GAS2: variants seen among roughly 807,000 people sequenced by gnomAD.
GAS2 encodes growth arrest specific 2.
Under a neutral mutation model 37.5 loss-of-function variants are expected in GAS2, and 20 were observed. The ratio of observed to expected loss-of-function variants is 0.53; its 90% CI spans 0.37 to 0.77. GAS2 has a LOEUF of 0.77. Among genes scored for constraint, GAS2 ranks in the 30% least tolerant of loss-of-function variants. GAS2 has a pLI of 0.00. For missense variants in GAS2, 336 were observed against 373.4 expected (o/e 0.90, Z 0.82); for synonymous variants, 144 against 132.2 (o/e 1.09, Z -0.61).
At chr11:22,771,643 GCTTA>G (rs1217545570) in intron 7 of GAS2, among the ~76,000 whole-genome samples, 2 of 152,248 alleles carry the variant, frequency 1.3e-5, no homozygotes, top group South Asian at 2.1e-4. Context: ...AGAAAGCACA[GCTTA>G]CTTAAGTCTT....
chr11:22,756,004 T>C (rs1276166636), intron 7 of GAS2, 51 bp downstream of exon 7: 1 of 1,279,816 alleles, frequency 7.8e-7, no homozygotes. Context: ...ATTCAGAATT[T>C]GAGTTAGGGG....
intron 7 of GAS2, among the ~76,000 whole-genome samples, chr11:22,764,397 A>G (rs1187670098): frequency 6.6e-6 from 1 of 151,966 alleles, no homozygotes; most frequent in East Asian, 1.9e-4. Context: ...CGTCTCTACT[A>G]AAAATACAAA....
intron 3 of GAS2, among the ~76,000 whole-genome samples, chr11:22,690,651 A>G (rs906364464): frequency 2.6e-5 from 4 of 152,226 alleles, no homozygotes; most frequent in African/African-American, 9.6e-5. Context: ...AGGCAAAAAT[A>G]TAAATGAAAT....
intron 7 of GAS2, among the ~76,000 whole-genome samples, chr11:22,786,835 G>GAA (rs1280457276): frequency 6.6e-6 from 1 of 152,112 alleles, no homozygotes; most frequent in Non-Finnish European, 1.5e-5. Flanking sequence ...GGACTTTTCA[G>GAA]AAAGAAGTGA....
intron 3 of GAS2, among the ~76,000 whole-genome samples, chr11:22,719,193 C>T (rs995206333): frequency 1.3e-5 from 2 of 152,042 alleles, no homozygotes; most frequent in African/African-American, 2.4e-5. Context: ...AAAATCTTCT[C>T]TCTTAGCAAT....
intron 7 of GAS2, among the ~76,000 whole-genome samples, chr11:22,767,359 T>C (rs1036650999): frequency 6.6e-6 from 1 of 152,088 alleles, no homozygotes. Context: ...AGTTTTTTTT[T>C]AAAAAACTTT....
chr11:22,789,425 GATATATATATATATATAT>G (rs35755438), intron 7 of GAS2, among the ~76,000 whole-genome samples: 2 of 30,662 alleles, frequency 6.5e-5, no homozygotes, highest in African/African-American at 1.8e-4. Flanking sequence ...TCTCATATGA[GATATATATATATATATAT>G]ATATATATAT....
At position 22,648,244 on chromosome 11, in the gene GAS2, C is replaced by G. The variant is rs1405856109; in HGVS notation, c.-21+22431C>G. ...AGATCAGATAGTTGTAGATATGCGG[C>G]GTTATTTCTGAGGGCTCTGTTCTGT... On this transcript the variant is annotated intron_variant, in intron 1 of 5. Coordinates refer to the GAS2 transcript ENST00000528582. Among the ~76,000 whole-genome samples, 4 of 151,828 alleles carry G rather than the reference C, an allele frequency of 2.6e-5. No homozygotes were observed. In the South Asian group the frequency reaches 8.3e-4, roughly 32 times the overall value.
chr11:22,784,633 A>G (rs1176084125), intron 7 of GAS2, among the ~76,000 whole-genome samples: 1 of 152,172 alleles, frequency 6.6e-6, no homozygotes, highest in Non-Finnish European at 1.5e-5. Context: ...GCAAGGTTTC[A>G]TAGGTTTTTT....
chr11:22,811,793 T>G lies in GAS2; in HGVS notation c.724-5T>G. 1 of 1,613,716 alleles carries G rather than the reference T, an allele frequency of 6.2e-7. No individual in the cohort carries two copies. On this transcript the variant is annotated splice_region_variant and splice_polypyrimidine_tract_variant and intron_variant, in intron 7 of 7. Transcript: ENST00000454584. The stretch of plus-strand genomic sequence containing the variant: ...TTTAACACTTTTGATATTTTTTCAT[T>G]TCAGATGCTGCACAACAAACATGTC...
At chr11:22,647,431 T>C (rs1848713040) in intron 1 of GAS2, among the ~76,000 whole-genome samples, 1 of 152,220 alleles carries the variant, frequency 6.6e-6, no homozygotes, top group Non-Finnish European at 1.5e-5. Context: ...CCTTTGGGTA[T>C]ATACCCAGTA....
intron 1 of GAS2, among the ~76,000 whole-genome samples, chr11:22,647,245 C>T (rs968814313): frequency 5.5e-4 from 84 of 151,768 alleles, no homozygotes; most frequent in Non-Finnish European, 1.0e-3. Context: ...CTACAAAGGA[C>T]ATGAACTCAT....
At chr11:22,773,036 T>A (rs1373955774) in intron 7 of GAS2, among the ~76,000 whole-genome samples, 1 of 152,114 alleles carries the variant, frequency 6.6e-6, no homozygotes, top group Non-Finnish European at 1.5e-5. Context: ...CTCAGGAAGT[T>A]CCAGTAGAGT....
At chr11:22,752,203 G>T (rs1853777830) in intron 6 of GAS2, among the ~76,000 whole-genome samples, 1 of 151,932 alleles carries the variant, frequency 6.6e-6, no homozygotes, top group African/African-American at 2.4e-5. Flanking sequence ...ATAAACTTTG[G>T]CATATCAAAG....
At chr11:22,671,457 T>C (rs1363175378) in intron 1 of GAS2, among the ~76,000 whole-genome samples, 1 of 152,112 alleles carries the variant, frequency 6.6e-6, no homozygotes, top group African/African-American at 2.4e-5. Flanking sequence ...TTGGACTATA[T>C]ACACTTTATT....
chr11:22,772,736 A>G (rs1268608260), intron 7 of GAS2, among the ~76,000 whole-genome samples: 3 of 152,136 alleles, frequency 2.0e-5, no homozygotes, highest in Non-Finnish European at 4.4e-5. Flanking sequence ...AGATGAGTAG[A>G]AGGAGGGAGG....
intron 7 of GAS2, among the ~76,000 whole-genome samples, chr11:22,778,287 C>T (rs916491314): frequency 1.3e-5 from 2 of 151,934 alleles, no homozygotes; most frequent in African/African-American, 2.4e-5. Context: ...TTCATTCAGC[C>T]GATATTCCAT....
intron 5 of GAS2, among the ~76,000 whole-genome samples, chr11:22,739,102 T>A (rs1852911205): frequency 6.6e-6 from 1 of 152,180 alleles, no homozygotes; most frequent in Non-Finnish European, 1.5e-5. Context: ...TTCTTAGGAC[T>A]TCGTTCTCTA....
chr11:22,806,935 A>G (rs1237044742), intron 7 of GAS2, among the ~76,000 whole-genome samples: 1 of 152,202 alleles, frequency 6.6e-6, no homozygotes, highest in African/African-American at 2.4e-5. Context: ...TATGAAATCA[A>G]TATTCTTCTT....
Sources: allele counts gnomAD v4.1 joint callset (sites outside exome capture counted in the v4.1 genomes callset), GRCh38; gene constraint gnomAD v4.1.1; transcripts MANE v1.5; gene names NCBI Gene and HGNC (gene_info 2026-07-23, HGNC 2026-07-21).